GPR180: variants seen among roughly 807,000 people sequenced by gnomAD.
The protein encoded by GPR180 is integral membrane protein GPR180.
In GPR180, 53 loss-of-function variants were observed where a neutral mutation model predicts 52.6. The observed-to-expected ratio is 1.01, with a 90% CI of 0.81 to 1.27. GPR180 has a LOEUF of 1.27. GPR180 is among the 50% of genes most tolerant of loss of function. GPR180 has a pLI of 0.00. For missense variants in GPR180, 533 were observed against 527.0 expected, an observed-to-expected ratio of 1.01 and a Z score of -0.11; for synonymous variants, 200 against 193.1, an observed-to-expected ratio of 1.04 and a Z score of -0.30.
rs372355100 is a variant in GPR180, at chr13:94,623,095, T to A, written c.895-14T>A. 3.1e-5 allele frequency: 50 copies of A among 1,593,248 alleles called. No individual in the cohort carries two copies. The highest frequency in any genetic ancestry group is 4.0e-5 in the Non-Finnish European group (47 of 1,168,356). On this transcript the variant is annotated splice_polypyrimidine_tract_variant and intron_variant, in intron 6 of 8. Coordinates refer to ENST00000376958, the MANE Select transcript of GPR180 (RefSeq NM_180989.6). ...TTTTTTTTTCCTAAATGTAATATTG[T>A]TTTTCTTTTGCAGAGTGTTTTGCTA...
intron 5 of GPR180, among the ~76,000 whole-genome samples, chr13:94,620,483 A>G (rs1566981054): frequency 6.6e-6 from 1 of 152,234 alleles, no homozygotes; most frequent in Non-Finnish European, 1.5e-5. Flanking sequence ...AGTGTAGGTG[A>G]TGGCCACCTG....
At chr13:94,623,014 T>TA in intron 6 of GPR180, 95 bp from the exon 7 acceptor site, 1 of 846,788 alleles carries the variant, frequency 1.2e-6, no homozygotes, top group South Asian at 1.7e-5. Context: ...AATGTTTATA[T>TA]AACATTTAAA....
At position 94,628,936 on chromosome 13, in the gene GPR180, A is replaced by AC. The variant is rs1431464688; in HGVS notation, c.*1766dup. Reference sequence around the variant, plus strand: ...AGGGGAAGGGAAAAATCTTTGTGTTACTTCACTCAAAGAACATAAGTAACT... The same window carrying AC: ...AGGGGAAGGGAAAAATCTTTGTGTTACCTTCACTCAAAGAACATAAGTAACT... On this transcript the variant is annotated 3_prime_UTR_variant, in exon 9 of 9. Coordinates refer to ENST00000376958, the MANE Select transcript of GPR180 (RefSeq NM_180989.6). 2.0e-5 allele frequency: 3 copies of AC among 152,144 alleles called. No homozygotes were observed. The highest frequency in any genetic ancestry group is 4.4e-5 in the Non-Finnish European group (3 of 67,952). 9.4% of individuals were successfully genotyped at this position (152,144 alleles called of 1,614,324 possible).
In GPR180 at chr13:94,628,195, G is replaced by A. The variant is rs1379719570; in HGVS notation, c.*1024G>A. The A allele has an allele frequency of 1.3e-5, 2 of 152,472 alleles. No homozygotes were observed. The allele number at this position is 152,472 out of a possible 1,614,324, so 9.4% of individuals were successfully genotyped here. On this transcript the variant is annotated 3_prime_UTR_variant, in exon 9 of 9. Coordinates refer to ENST00000376958, the MANE Select transcript of GPR180 (RefSeq NM_180989.6). ...TGTTGGCACTGGATTCTAAGTAGTT[G>A]CCATCTTGAATCCTTTGTAATAAAG...
intron 3 of GPR180, among the ~76,000 whole-genome samples, chr13:94,618,659 C>T (rs1461972705): frequency 6.6e-6 from 1 of 151,914 alleles, no homozygotes; most frequent in African/African-American, 2.4e-5. Context: ...CTGGATGGCA[C>T]TCAAGAATTT....
At chr13:94,624,756 A>G (rs1277167868) in intron 7 of GPR180, among the ~76,000 whole-genome samples, 1 of 152,110 alleles carries the variant, frequency 6.6e-6, no homozygotes, top group Non-Finnish European at 1.5e-5. Flanking sequence ...GTTAGCCAGG[A>G]TGCTCTCGAC....
intron 2 of GPR180, 24 bp downstream of exon 2, chr13:94,605,573 A>G (rs1179098496): frequency 6.3e-7 from 1 of 1,588,052 alleles, no homozygotes; most frequent in South Asian, 1.1e-5. Flanking sequence ...TTTTTCTTTG[A>G]TCATTAGATA....
intron 3 of GPR180, among the ~76,000 whole-genome samples, chr13:94,615,294 C>T (rs946824290): frequency 6.6e-6 from 1 of 152,188 alleles, no homozygotes; most frequent in Non-Finnish European, 1.5e-5. Context: ...ATTTTAGAAA[C>T]TTCTGCTAGT....
chr13:94,603,760 G>A (rs561122102), intron 1 of GPR180, among the ~76,000 whole-genome samples: 2 of 152,138 alleles, frequency 1.3e-5, no homozygotes, highest in South Asian at 4.1e-4. Context: ...AAATTTCCAG[G>A]AGAATAGAAG....
At position 94,633,201 on chromosome 13, in the gene GPR180, TGGGAA is replaced by T. The variant is rs1458313587; in HGVS notation, c.*6031_*6035del. On this transcript the variant is annotated 3_prime_UTR_variant, in exon 9 of 9. Transcript: ENST00000376958. Reference sequence around the variant, plus strand: ...AGTTGGTCAGAAGTAAGGATGGTCCTGGGAATGCCCAAAGTTGCTAGTTTCTGAAG... The same window carrying T: ...AGTTGGTCAGAAGTAAGGATGGTCCTTGCCCAAAGTTGCTAGTTTCTGAAG... 6.6e-6 allele frequency: 1 copy of T among 152,174 alleles called. No individual in the cohort carries two copies. Among genetic ancestry groups the T allele is most frequent in the Non-Finnish European group, 1.5e-5 (1 of 68,036 alleles). The allele number at this position is 152,174 out of a possible 1,614,324, so 9.4% of individuals were successfully genotyped here.
intron 5 of GPR180, 110 bp from the exon 6 acceptor site, chr13:94,620,968 G>T: frequency 3.3e-6 from 3 of 918,166 alleles, no homozygotes; most frequent in South Asian, 3.6e-5. Context: ...CTTTGAAAAT[G>T]GCTTTTTGTG....
chr13:94,619,359 A>T (rs768550587), intron 4 of GPR180, 29 bp downstream of exon 4: 15 of 1,609,642 alleles, frequency 9.3e-6, no homozygotes, highest in Non-Finnish European at 1.2e-5. Flanking sequence ...AACTGTGTTC[A>T]TCATTACATC....
chr13:94,605,204 T>A (rs1441668393), intron 1 of GPR180, among the ~76,000 whole-genome samples, 187 bp from the exon 2 acceptor site: 1 of 152,224 alleles, frequency 6.6e-6, no homozygotes, highest in Admixed American at 6.5e-5. Context: ...ATACCACACG[T>A]TCATTTGAAT....
intron 1 of GPR180, 41 bp downstream of exon 1, chr13:94,602,113 C>A: frequency 1.6e-6 from 2 of 1,283,014 alleles, no homozygotes; most frequent in Non-Finnish European, 2.0e-6. Flanking sequence ...GCGCGCTGGC[C>A]CATCCCGCCG....
At chr13:94,618,896 C>G (rs1487825013) in intron 3 of GPR180, among the ~76,000 whole-genome samples, 1 of 152,126 alleles carries the variant, frequency 6.6e-6, no homozygotes, top group Non-Finnish European at 1.5e-5. Context: ...TCTTTGGGTT[C>G]CCCTGACCAT....
chr13:94,615,502 CTT>C (rs988145077), intron 3 of GPR180, among the ~76,000 whole-genome samples: 4 of 152,310 alleles, frequency 2.6e-5, no homozygotes, highest in African/African-American at 9.6e-5. Context: ...ATCTACCAGA[CTT>C]TGGTTAATCC....
Position 94,623,320 on chromosome 13 carries a change from A to G in GPR180, c.1086+20A>G, listed in dbSNP as rs1889877653. 1.3e-6 allele frequency: 2 copies of G among 1,585,686 alleles called. No homozygotes were observed. Among genetic ancestry groups the G allele is most frequent in the African/African-American group, 1.3e-5 (1 of 74,200 alleles). ...GCCAAAGTATGGGTTTGGAAAGAAAATCGTTTATTCTGATTATCCACTTGG... is the reference window on the plus strand; with the variant it reads ...GCCAAAGTATGGGTTTGGAAAGAAAGTCGTTTATTCTGATTATCCACTTGG... On this transcript the variant is annotated intron_variant, in intron 7 of 8. Transcript: ENST00000376958.
chr13:94,614,974 G>T (rs373439295), intron 3 of GPR180, among the ~76,000 whole-genome samples: 1 of 152,160 alleles, frequency 6.6e-6, no homozygotes, highest in Admixed American at 6.5e-5. Flanking sequence ...ATGCTTAAAA[G>T]CTTTTGTGAA....
chr13:94,624,759 C>T (rs142762594), intron 7 of GPR180, among the ~76,000 whole-genome samples: 3 of 152,118 alleles, frequency 2.0e-5, no homozygotes, highest in Non-Finnish European at 4.4e-5. Context: ...AGCCAGGATG[C>T]TCTCGACCTC....
Sources: allele counts gnomAD v4.1 joint callset (sites outside exome capture counted in the v4.1 genomes callset), GRCh38; gene constraint gnomAD v4.1.1; transcripts MANE v1.5; gene names NCBI Gene and HGNC (gene_info 2026-07-23, HGNC 2026-07-21).